STARD9: variants seen among roughly 807,000 people sequenced by gnomAD.
STARD9 encodes StAR related lipid transfer domain containing 9, also known as stAR-related lipid transfer protein 9.
In STARD9, 346 loss-of-function variants were observed where a neutral mutation model predicts 399.8. The ratio of observed to expected loss-of-function variants is 0.87; its 90% CI spans 0.79 to 0.95. STARD9 has a LOEUF of 0.95. STARD9 is among the 40% of genes least tolerant of loss of function. The probability of loss-of-function intolerance (pLI) is 0.00; values close to 1 mark genes in which losing one functional copy is unlikely to be tolerated. For synonymous variants in STARD9, 2,203 were observed against 2,143.5 expected (o/e 1.03, Z -0.77); for missense variants, 5,832 against 5,667.5 (o/e 1.03, Z -0.93).
At chr15:42,646,053 C>T (rs559254882) in intron 7 of STARD9, among the ~76,000 whole-genome samples, 1 of 151,886 alleles carries the variant, frequency 6.6e-6, no homozygotes, top group African/African-American at 2.4e-5. Context: ...TCCAGCTACT[C>T]GGGAGGCTAA....
At position 42,690,891 on chromosome 15, in the gene STARD9, G is replaced by A. The variant is rs1382940338; in HGVS notation, c.9313G>A (p.Ala3105Thr). 6.5e-7 allele frequency: 1 copy of A among 1,537,072 alleles called. No homozygotes were observed. Among genetic ancestry groups the A allele is most frequent in the African/African-American group, 1.4e-5 (1 of 73,030 alleles). Residue 3105 changes from alanine (A) to threonine (T), a missense_variant, in exon 23 of 33, where the codon GCA becomes ACA. Physicochemically the swap from Ala to Thr is moderately conservative, Grantham distance 58. This residue lies in a region of STARD9 where 5,828 missense variants were observed against 5,651.1 expected (regional missense o/e 1.03). Coordinates refer to ENST00000290607, the MANE Select transcript of STARD9 (RefSeq NM_020759.3). ...AGAACTTGAGGCTGCCTCTTTCCCT[G>A]CAGGCATGTACTCTGAGCCCCTGAG... ...STELEAASFP[A>T]GMYSEPLRQF... is the part of the protein sequence containing the mutation.
chr15:42,625,819 T>C (rs672054), intron 3 of STARD9, among the ~76,000 whole-genome samples: 109,538 of 151,766 alleles, frequency 0.72, 41,195 homozygotes, highest in East Asian at 0.89. Context: ...AACTAACCTC[T>C]CTCTCAGTGG....
chr15:42,641,515 C>A (rs1033036112), intron 7 of STARD9, among the ~76,000 whole-genome samples: 7 of 145,140 alleles, frequency 4.8e-5, no homozygotes, highest in Non-Finnish European at 7.6e-5. Context: ...TCCCTCCCCC[C>A]ACCCCACAAC....
In STARD9 at chr15:42,688,701, G is replaced by C; in HGVS notation, c.7123G>C (p.Val2375Leu). The change falls in exon 23 of 33, where the codon GTA becomes CTA. Residue 2375 changes from valine to leucine, a missense_variant. By Grantham distance (32) the Val-to-Leu change is conservative. Around this residue, in one of 2 missense-constraint regions of STARD9, gnomAD observed 5,828 missense variants for 5,651.1 expected, o/e 1.03. Transcript: ENST00000290607. ...GTTGAAAATTCATAACAGTCCCTTG[G>C]TAACTGGAGTAGAGCATCAGGACCA... ...TMLKIHNSPL[V>L]TGVEHQDQST... 2.6e-6 allele frequency: 4 copies of C among 1,537,726 alleles called. No homozygotes were observed. Among genetic ancestry groups the C allele is most frequent in the Non-Finnish European group, 3.5e-6 (4 of 1,147,024 alleles).
chr15:42,609,883 A>G (rs1403353922), intron 3 of STARD9, among the ~76,000 whole-genome samples: 1 of 152,058 alleles, frequency 6.6e-6, no homozygotes, highest in Non-Finnish European at 1.5e-5. Context: ...ACTTGAGGTC[A>G]GGAGTTCCAG....
At chr15:42,678,743 A>T (rs1422384168) in intron 20 of STARD9, among the ~76,000 whole-genome samples, 2 of 152,246 alleles carry the variant, frequency 1.3e-5, no homozygotes, top group Non-Finnish European at 2.9e-5. Context: ...GCCATCAGAG[A>T]TGAAGGGCAA....
chr15:42,643,076 A>C (rs2059573101), intron 7 of STARD9, among the ~76,000 whole-genome samples: 1 of 150,856 alleles, frequency 6.6e-6, no homozygotes, highest in South Asian at 2.1e-4. Flanking sequence ...TACATTTATA[A>C]AATAAAATAA....
chr15:42,695,017 A>G (rs1316976710), intron 24 of STARD9, 123 bp from the exon 25 acceptor site: 1 of 893,192 alleles, frequency 1.1e-6, no homozygotes, highest in Non-Finnish European at 1.6e-6. Flanking sequence ...ATACTTTAAA[A>G]CCCTGTGGGC....
chr15:42,716,650 C>T (rs1030970422), intron 26 of STARD9, 27 bp from the exon 27 acceptor site: 1 of 1,427,044 alleles, frequency 7.0e-7, no homozygotes, highest in East Asian at 2.5e-5. Context: ...CCTTCTGGCT[C>T]TGTCCTGAGT....
chr15:42,662,827 C>T lies in STARD9; in HGVS notation c.804C>T (p.Arg268=). The change falls in exon 11 of 33, where the codon CGC becomes CGT. Residue 268 remains arginine (R), a synonymous_variant. Coordinates refer to ENST00000290607, the MANE Select transcript of STARD9 (RefSeq NM_020759.3). ...ERADPSYCKD[R]IAEGANINKS... ...CAGATCCCAGTTACTGTAAGGACCGCATTGCTGAAGGAGCCAATATCAACA... is the reference window on the plus strand; with the variant it reads ...CAGATCCCAGTTACTGTAAGGACCGTATTGCTGAAGGAGCCAATATCAACA... 2 of 1,537,522 alleles carry T rather than the reference C, an allele frequency of 1.3e-6. No homozygotes were observed. The highest frequency in any genetic ancestry group is 1.2e-5 in the South Asian group (1 of 84,058).
In STARD9 at chr15:42,689,342, A is replaced by C; in HGVS notation, c.7764A>C (p.Ser2588=). Residue 2588 remains serine, a synonymous_variant, in exon 23 of 33, where the codon TCA becomes TCC. Coordinates refer to ENST00000290607, the MANE Select transcript of STARD9 (RefSeq NM_020759.3). ...CTTTACTAGAACCCGAATGTTCTTC[A>C]AGGGTTGCTGGCAGGCCTCAGTGTA... ...CETLLEPECS[S]RVAGRPQCKQ... 2.6e-6 allele frequency: 4 copies of C among 1,537,232 alleles called. No homozygotes were observed. The highest frequency in any genetic ancestry group is 3.5e-6 in the Non-Finnish European group (4 of 1,146,884).
In STARD9 at chr15:42,688,142, A is replaced by G; in HGVS notation, c.6564A>G (p.Thr2188=). Residue 2188 remains threonine, a synonymous_variant, in exon 23 of 33, where the codon ACA becomes ACG. Transcript: ENST00000290607. ...TTTGTGATTCTTTAGGGAAACACAC[A>G]ACTTGCAGAGAGTTCACCAACACTT... is the stretch of plus-strand genomic sequence containing the variant. ...RDICDSLGKH[T]TCREFTNTSL... 1 of 1,537,402 alleles carries G rather than the reference A, an allele frequency of 6.5e-7. No individual in the cohort carries two copies. Among genetic ancestry groups the G allele is most frequent in the Non-Finnish European group, 8.7e-7 (1 of 1,146,964 alleles).
chr15:42,694,078 G>C lies in STARD9; in HGVS notation c.12500G>C (p.Gly4167Ala), dbSNP rs1224880117. ...ACTGAGGAGGAGCTGGGGGCCAGCG[G>C]TGATCTCAGCTCTGAAAAGCAGGAA... ...DMTEEELGAS[G>A]DLSSEKQEQS... The change falls in exon 23 of 33, where the codon GGT becomes GCT. Residue 4167 changes from glycine (G) to alanine (A), a missense_variant. Gly to Ala is a moderately conservative substitution (Grantham distance 60). Around this residue, in one of 2 missense-constraint regions of STARD9, gnomAD observed 5,828 missense variants for 5,651.1 expected, o/e 1.03. Coordinates refer to ENST00000290607, the MANE Select transcript of STARD9 (RefSeq NM_020759.3). 2 of 1,536,896 alleles carry C rather than the reference G, an allele frequency of 1.3e-6. No homozygotes were observed. The highest frequency in any genetic ancestry group is 1.7e-6 in the Non-Finnish European group (2 of 1,146,870).
chr15:42,622,264 C>A (rs2059107513), intron 3 of STARD9, among the ~76,000 whole-genome samples: 1 of 151,976 alleles, frequency 6.6e-6, no homozygotes, highest in Admixed American at 6.6e-5. Flanking sequence ...CAGAGTGAGA[C>A]CCTTAAAAAC....
intron 9 of STARD9, among the ~76,000 whole-genome samples, chr15:42,658,957 A>T (rs1371755198): frequency 4.6e-5 from 7 of 152,160 alleles, no homozygotes; most frequent in Admixed American, 4.6e-4. Flanking sequence ...TACTAAAAAT[A>T]CAAAAATTAG....
chr15:42,651,172 A>C (rs1212053347), intron 8 of STARD9, 87 bp downstream of exon 8: 4 of 946,312 alleles, frequency 4.2e-6, no homozygotes, highest in Non-Finnish European at 6.2e-6. Context: ...GTATAATGAC[A>C]CTTAAAATTG....
At chr15:42,719,292 C>G (rs768551680) in intron 32 of STARD9, among the ~76,000 whole-genome samples, 181 bp from the exon 33 acceptor site, 2 of 152,146 alleles carry the variant, frequency 1.3e-5, no homozygotes, top group African/African-American at 2.4e-5. Context: ...TACTTTGTCA[C>G]TAGGAGGTGA....
chr15:42,681,584 A>C lies in STARD9; in HGVS notation c.2037A>C (p.Gln679His). The change falls in exon 21 of 33, where the codon CAA (glutamine) becomes CAC (histidine). Residue 679 changes from glutamine to histidine, a missense_variant. Physicochemically the swap from Gln to His is conservative, Grantham distance 24. Transcript: ENST00000290607. Reference protein sequence around the residue: ...IRAAKELEFDQAWISQQIKEN... With the variant: ...IRAAKELEFDHAWISQQIKEN... ...CTGCGAAGGAACTGGAATTTGACCA[A>C]GCTTGGATTAGCCAGCAGATTAAAG... The C allele has an allele frequency of 6.5e-7, 1 of 1,537,162 alleles. No homozygotes were observed. The highest frequency in any genetic ancestry group is 8.7e-7 in the Non-Finnish European group (1 of 1,146,850).
intron 28 of STARD9, 25 bp downstream of exon 28, chr15:42,717,073 C>G (rs1204497457): frequency 1.3e-6 from 2 of 1,536,756 alleles, no homozygotes; most frequent in African/African-American, 1.4e-5. Flanking sequence ...CCACCCATCC[C>G]TACCATTCCT....
Sources: allele counts gnomAD v4.1 joint callset (sites outside exome capture counted in the v4.1 genomes callset), GRCh38; gene constraint gnomAD v4.1.1; regional missense constraint gnomAD v4.1.1; transcripts MANE v1.5; gene names NCBI Gene and HGNC (gene_info 2026-07-23, HGNC 2026-07-21).